Variants in SNX5 observed in about 807,000 individuals in gnomAD.
The protein encoded by SNX5 is sorting nexin-5.
In SNX5, 31 loss-of-function variants were observed where a neutral mutation model predicts 53.9. The ratio of observed to expected loss-of-function variants is 0.58; its 90% CI spans 0.43 to 0.78. The LOEUF (loss-of-function observed/expected upper bound fraction) is 0.78. SNX5 is among the 30% of genes least tolerant of loss of function. SNX5 has a pLI of 0.00. For synonymous variants in SNX5, 168 were observed against 171.1 expected (o/e 0.98, Z 0.14); for missense variants, 471 against 478.8 (o/e 0.98, Z 0.15).
At chr20:17,959,377 T>A (rs527987577) in intron 1 of SNX5, among the ~76,000 whole-genome samples, 1 of 152,324 alleles carries the variant, frequency 6.6e-6, no homozygotes, top group East Asian at 1.9e-4. Context: ...TAGAAACATA[T>A]TTTTTGTTTC....
At chr20:17,959,438 C>A (rs1388386340) in intron 1 of SNX5, among the ~76,000 whole-genome samples, 1 of 151,466 alleles carries the variant, frequency 6.6e-6, no homozygotes, top group Non-Finnish European at 1.5e-5. Context: ...TGAGTGACTG[C>A]AACCACAGCA....
chr20:17,963,998 T>TGCAGC (rs774310000), intron 1 of SNX5, among the ~76,000 whole-genome samples: 5 of 152,116 alleles, frequency 3.3e-5, no homozygotes, highest in Non-Finnish European at 5.9e-5. Context: ...GGAGGCTGAG[T>TGCAGC]GCAGGAAGAT....
intron 11 of SNX5, among the ~76,000 whole-genome samples, chr20:17,946,387 AG>A (rs1432602091): frequency 4.9e-4 from 74 of 152,242 alleles, no homozygotes; most frequent in African/African-American, 1.6e-3. Flanking sequence ...GCTGGAGCAG[AG>A]AGTAAGATTA....
chr20:17,949,983 G>A (rs144970881), intron 8 of SNX5, 149 bp downstream of exon 8: 12 of 630,938 alleles, frequency 1.9e-5, no homozygotes, highest in Non-Finnish European at 3.3e-5. Flanking sequence ...TATGTCCAGA[G>A]AACATGTAAG....
rs780017698 is a variant in SNX5 at position 17,957,000 on chromosome 20, G to A, written c.89C>T (p.Ser30Leu). ...CGCATCAGGTATGTCAATCTGAAGC[G>A]AGGGATCAACATTCAGGTCCACAGA... ...SVSVDLNVDP[S>L]LQIDIPDALS... Residue 30 changes from serine to leucine, a missense_variant, in exon 2 of 13, where the codon TCG (serine) becomes TTG (leucine). By Grantham distance (145) the Ser-to-Leu change is moderately radical. Transcript: ENST00000377759. 1.6e-5 allele frequency: 25 copies of A among 1,608,810 alleles called. No homozygotes were observed. The highest frequency in any genetic ancestry group is 5.0e-5 in the Admixed American group (3 of 59,982).
At chr20:17,948,282 T>C (rs764830715) in intron 10 of SNX5, among the ~76,000 whole-genome samples, 11 of 152,306 alleles carry the variant, frequency 7.2e-5, no homozygotes, top group Admixed American at 3.3e-4. Context: ...AAGTAGAAAA[T>C]AGGCTATTAA....
chr20:17,957,158 G>T, intron 1 of SNX5, 121 bp from the exon 2 acceptor site: 2 of 668,588 alleles, frequency 3.0e-6, no homozygotes, highest in African/African-American at 1.8e-5. Flanking sequence ...CAGTTGAGCT[G>T]GGCGCGGCGG....
At chr20:17,952,006 G>A (rs1472262894) in intron 5 of SNX5, among the ~76,000 whole-genome samples, 2 of 152,164 alleles carry the variant, frequency 1.3e-5, no homozygotes, top group African/African-American at 2.4e-5. Flanking sequence ...GGCGGATCAC[G>A]AGGTCAGGAG....
intron 1 of SNX5, chr20:17,961,984 C>A (rs912674763): frequency 5.8e-5 from 57 of 976,750 alleles, no homozygotes; most frequent in Non-Finnish European, 6.8e-5. Flanking sequence ...ATTAAAGATT[C>A]ACATGATACA....
intron 11 of SNX5, chr20:17,943,540 C>A: frequency 5.1e-6 from 1 of 197,094 alleles, no homozygotes. Context: ...GGTGGTGAGC[C>A]ACATACTTCA....
At chr20:17,942,483 A>G in intron 12 of SNX5, 76 bp from the exon 13 acceptor site, 1 of 1,108,522 alleles carries the variant, frequency 9.0e-7, no homozygotes, top group African/African-American at 1.5e-5. Context: ...CAAGTACACC[A>G]ACACGGCTTT....
intron 1 of SNX5, chr20:17,962,875 A>G (rs549134636): frequency 8.9e-5 from 46 of 517,818 alleles, no homozygotes; most frequent in South Asian, 2.8e-4. Flanking sequence ...AGTTCCTAGA[A>G]CAGGAACTGA....
intron 1 of SNX5, among the ~76,000 whole-genome samples, chr20:17,967,153 AATTGAGTCCTTTT>A (rs2035554179): frequency 6.6e-6 from 1 of 152,176 alleles, no homozygotes; most frequent in African/African-American, 2.4e-5. Flanking sequence ...GGGGTGAAGC[AATTGAGTCCTTTT>A]ACCTAGCTGA....
chr20:17,968,639 G>A lies in SNX5; in HGVS notation c.-214C>T, dbSNP rs960757641. On this transcript the variant is annotated 5_prime_UTR_variant, in exon 1 of 13. Transcript: ENST00000377759. ...GGGCGCCACGTGCTCCCCCAGAGCA[G>A]CCTCCCAGTCCCCGCTGCCGTCCAT... 3.2e-6 allele frequency: 2 copies of A among 616,334 alleles called. No homozygotes were observed. Among genetic ancestry groups the A allele is most frequent in the African/African-American group, 1.9e-5 (1 of 51,676 alleles). The allele number at this position is 616,334 out of a possible 1,614,324, so 38.2% of individuals were successfully genotyped here. A position where few individuals can be genotyped will look rare whatever the true frequency, so the allele number is the denominator to read the frequency against.
chr20:17,955,392 A>C lies in SNX5; in HGVS notation c.240T>G (p.Ile80Met). The C allele has an allele frequency of 6.2e-7, 1 of 1,613,774 alleles. No homozygotes were observed. Among genetic ancestry groups the C allele is most frequent in the Non-Finnish European group, 8.5e-7 (1 of 1,179,664 alleles). The change falls in exon 3 of 13, where the codon ATT becomes ATG. Residue 80 changes from isoleucine to methionine, a missense_variant. Ile to Met is a conservative substitution (Grantham distance 10). Coordinates refer to ENST00000377759, the MANE Select transcript of SNX5 (RefSeq NM_014426.4). ...EDFVWLHDTL[I>M]ETTDYAGLII... The stretch of plus-strand genomic sequence containing the variant: ...TAAGCCCAGCATAGTCTGTTGTTTC[A>C]ATAAGAGTGTCATGTAGCCACACAA...
At chr20:17,943,037 T>TG (rs968064237) in intron 12 of SNX5, 73 bp downstream of exon 12, 56 of 1,041,700 alleles carry the variant, frequency 5.4e-5, no homozygotes, top group Non-Finnish European at 8.1e-5. Context: ...CTGATGACAA[T>TG]GGGTTAGTAA....
At chr20:17,953,896 A>C in intron 4 of SNX5, 100 bp downstream of exon 4, 2 of 1,000,472 alleles carry the variant, frequency 2.0e-6, no homozygotes, top group Non-Finnish European at 3.0e-6. Context: ...AAACAGCTGC[A>C]CTTAAAACAA....
intron 1 of SNX5, among the ~76,000 whole-genome samples, chr20:17,960,453 G>A (rs1039844505): frequency 2.6e-5 from 4 of 152,204 alleles, no homozygotes; most frequent in Admixed American, 2.6e-4. Context: ...AATTAGCTGG[G>A]CATGGTGGCG....
intron 8 of SNX5, 65 bp from the exon 9 acceptor site, chr20:17,949,168 T>C: frequency 1.4e-6 from 2 of 1,387,558 alleles, no homozygotes; most frequent in Non-Finnish European, 2.0e-6. Context: ...ATCTTACCAG[T>C]GTGCAAGACA....
Sources: gnomAD v4.1 joint callset for allele counts (sites outside exome capture counted in the v4.1 genomes callset) on GRCh38, gnomAD v4.1.1 for gene constraint, MANE v1.5 for transcripts, NCBI Gene and HGNC (gene_info 2026-07-23, HGNC 2026-07-21) for gene names.